Variants in ARHGEF3 observed in about 807,000 individuals in gnomAD.
The protein encoded by ARHGEF3 is Rho guanine nucleotide exchange factor 3, also known as 59.8 kDA protein.
ARHGEF3 carries 28 observed loss-of-function variants against 63.2 expected under a neutral mutation model. The ratio of observed to expected loss-of-function variants is 0.44; its 90% confidence interval spans 0.33 to 0.61. The LOEUF is 0.61. Among genes scored for constraint, ARHGEF3 ranks in the 20% least tolerant of loss-of-function variants. The pLI, the probability that ARHGEF3 is intolerant of heterozygous loss-of-function variation, is 0.03. For synonymous variants in ARHGEF3, 266 were observed against 254.2 expected (o/e 1.05, Z -0.44); for missense variants, 533 against 659.3 (o/e 0.81, Z 2.10).
intron 3 of ARHGEF3, among the ~76,000 whole-genome samples, chr3:56,888,383 C>T (rs865994815): frequency 6.6e-6 from 1 of 152,110 alleles, no homozygotes. Flanking sequence ...AGGGAACATC[C>T]AGCTGAACCA....
At chr3:56,968,077 T>TA (rs1700684445) in intron 2 of ARHGEF3, among the ~76,000 whole-genome samples, 1 of 52,694 alleles carries the variant, frequency 1.9e-5, no homozygotes, top group African/African-American at 7.3e-5. Flanking sequence ...TATAATATAT[T>TA]ATATATTTAT....
chr3:57,067,170 G>C (rs536887089), intron 1 of ARHGEF3, among the ~76,000 whole-genome samples: 1 of 152,224 alleles, frequency 6.6e-6, no homozygotes, highest in African/African-American at 2.4e-5. Context: ...AACATTTGTC[G>C]GCCAGGCGCG....
rs187217427 is a variant in ARHGEF3 at position 57,014,219 on chromosome 3, G to C, written c.62+20869C>G. 1.2e-4 allele frequency among the ~76,000 whole-genome samples: 19 copies of C among 152,266 alleles called. No homozygotes were observed. The South Asian group carries it at 3.3e-3, about 27-fold the overall frequency. On this transcript the variant is annotated intron_variant, in intron 2 of 12. Coordinates refer to the ARHGEF3 transcript ENST00000338458. ...GAAGGAAAAAACTCCAAACACGTCT[G>C]AATATCCGAAGGAACAAACTCCGGA...
chr3:57,073,663 T>C, intron 1 of ARHGEF3: 1 of 1,588,550 alleles, frequency 6.3e-7, no homozygotes, highest in Non-Finnish European at 8.6e-7. Context: ...CAGCCTCCTT[T>C]TCTGGAGAAT....
intron 3 of ARHGEF3, among the ~76,000 whole-genome samples, chr3:56,909,055 TG>T (rs1410487544): frequency 1.3e-5 from 2 of 152,176 alleles, no homozygotes; most frequent in African/African-American, 4.8e-5. Flanking sequence ...GACCTGACAC[TG>T]GCATACAAAT....
chr3:56,809,985 G>A (rs545381006), intron 4 of ARHGEF3, among the ~76,000 whole-genome samples: 2 of 151,998 alleles, frequency 1.3e-5, no homozygotes, highest in Admixed American at 6.5e-5. Context: ...CACCTGCCTC[G>A]ACCTCCCAAA....
At chr3:56,808,018 G>C (rs1268410951) in intron 4 of ARHGEF3, among the ~76,000 whole-genome samples, 1 of 152,078 alleles carries the variant, frequency 6.6e-6, no homozygotes, top group Non-Finnish European at 1.5e-5. Context: ...TAGATACTCG[G>C]GAGGCTGAGG....
intron 1 of ARHGEF3, among the ~76,000 whole-genome samples, chr3:56,794,116 G>A (rs1365644506): frequency 6.6e-6 from 1 of 152,166 alleles, no homozygotes; most frequent in Non-Finnish European, 1.5e-5. Flanking sequence ...AGGGAGAGGA[G>A]AGAATGCACA....
At chr3:56,904,086 G>C (rs1484023049) in intron 3 of ARHGEF3, among the ~76,000 whole-genome samples, 2 of 152,094 alleles carry the variant, frequency 1.3e-5, no homozygotes, top group African/African-American at 4.8e-5. Context: ...CCTGGGTGCA[G>C]TGTTGCAATC....
chr3:57,017,905 G>A (rs1330173760), intron 2 of ARHGEF3, among the ~76,000 whole-genome samples: 7 of 152,188 alleles, frequency 4.6e-5, no homozygotes, highest in East Asian at 3.9e-4. Context: ...GAAGAGAAAC[G>A]AGCTTGGAAA....
At chr3:57,057,592 C>T (rs1704999132) in intron 1 of ARHGEF3, among the ~76,000 whole-genome samples, 1 of 151,852 alleles carries the variant, frequency 6.6e-6, no homozygotes. Flanking sequence ...CAGGGCCTGG[C>T]CCAGGGTAAG....
At chr3:57,076,846 T>C (rs1167755515) in intron 1 of ARHGEF3, 2 of 152,244 alleles carry the variant, frequency 1.3e-5, no homozygotes, top group East Asian at 3.8e-4. Context: ...AACACACCTC[T>C]GTCCTCTTGA....
chr3:56,951,901 C>T (rs1262925855), intron 3 of ARHGEF3, among the ~76,000 whole-genome samples: 1 of 151,934 alleles, frequency 6.6e-6, no homozygotes, highest in Non-Finnish European at 1.5e-5. Flanking sequence ...GGTTCGAATC[C>T]TAGCTTCACC....
chr3:57,026,627 ACCAT>A (rs1703485938), intron 2 of ARHGEF3, among the ~76,000 whole-genome samples: 2 of 105,526 alleles, frequency 1.9e-5, no homozygotes, highest in Non-Finnish European at 4.0e-5. Context: ...TTTAGGTGCC[ACCAT>A]CTACCCTACC....
At position 56,762,781 on chromosome 3, in the gene ARHGEF3, T is replaced by C. The variant is rs1187864483; in HGVS notation, c.205-7630A>G. Among the ~76,000 whole-genome samples the C allele has an allele frequency of 2.0e-5, 3 of 152,154 alleles. No individual in the cohort carries two copies. In the South Asian group the frequency reaches 6.2e-4, roughly 32 times the overall value. ...ACTGTAAGAGGAAAAAACTCTCCTA[T>C]GTTGCCACTGCGGTGGGTTAAACCA... On this transcript the variant is annotated intron_variant, in intron 2 of 9. Transcript: ENST00000296315.
chr3:56,964,118 G>A (rs148793492), intron 2 of ARHGEF3, among the ~76,000 whole-genome samples: 2,083 of 152,192 alleles, frequency 0.014, 46 homozygotes, highest in African/African-American at 0.048. Context: ...TTGGGAGGCC[G>A]AGGCAGGCAG....
upstream of ARHGEF3, among the ~76,000 whole-genome samples, chr3:56,805,014 C>T (rs1189359824): frequency 6.6e-6 from 1 of 152,158 alleles, no homozygotes; most frequent in Non-Finnish European, 1.5e-5. Context: ...TCAACTAGAA[C>T]ACATTTGCCA....
rs139375320 is a variant in ARHGEF3 at position 56,870,087 on chromosome 3, T to C, written c.192+12205A>G. ...GTACCTTACTACTTGCTCTGGGGTG[T>C]AGAGATAGTCATTGTTTGTTATTGG... is the stretch of plus-strand genomic sequence containing the variant. On this transcript the variant is annotated intron_variant, in intron 4 of 12. Coordinates refer to the ARHGEF3 transcript ENST00000338458. 2.8e-4 allele frequency among the ~76,000 whole-genome samples: 43 copies of C among 152,292 alleles called. No homozygotes were observed. In the East Asian group the frequency reaches 7.7e-3, roughly 27 times the overall value.
intron 1 of ARHGEF3, among the ~76,000 whole-genome samples, chr3:56,795,523 T>A (rs1458494775): frequency 6.6e-6 from 1 of 152,140 alleles, no homozygotes; most frequent in Admixed American, 6.5e-5. Context: ...CTACCTTCTC[T>A]CAAAAGGACA....
Sources: gnomAD v4.1 joint callset for allele counts (sites outside exome capture counted in the v4.1 genomes callset) on GRCh38, gnomAD v4.1.1 for gene constraint, MANE v1.5 for transcripts, NCBI Gene and HGNC (gene_info 2026-07-23, HGNC 2026-07-21) for gene names.